The following TOP3B variants were observed in gnomAD, a reference collection of about 807,000 sequenced individuals.
TOP3B encodes the protein DNA topoisomerase III beta.
Under a neutral mutation model 93.9 loss-of-function variants are expected in TOP3B, and 45 were observed. The ratio of observed to expected loss-of-function variants is 0.48; its 90% confidence interval spans 0.38 to 0.61. The LOEUF (loss-of-function observed/expected upper bound fraction) is 0.61, where lower values mean the gene tolerates loss of function less well. TOP3B is among the 20% of genes least tolerant of loss of function. The pLI, the probability that TOP3B is intolerant of heterozygous loss-of-function variation, is 0.00. For missense variants in TOP3B, 750 were observed against 1,156.1 expected (o/e 0.65, Z 5.09); for synonymous variants, 357 against 472.6 (o/e 0.76, Z 3.17).
intron 17 of TOP3B, chr22:21,957,980 G>A (rs1326995410): frequency 7.3e-6 from 10 of 1,364,802 alleles, no homozygotes; most frequent in Admixed American, 2.2e-5. Flanking sequence ...TCACTCCCGG[G>A]GCAGCCTGGG....
Position 21,970,277 on chromosome 22 carries a change from G to C in TOP3B, c.514C>G (p.His172Asp). 1 of 1,614,018 alleles carries C rather than the reference G, an allele frequency of 6.2e-7. No homozygotes were observed. ...GCATCCACTGAGAGCGCCTCGTTGT[G>C]GTCAGGCTCGCCTAGGCAGGCCATG... ...NAMACLGEPD[H>D]NEALSVDARQ... The change falls in exon 6 of 18, where the codon CAC (histidine) becomes GAC (aspartate). Residue 172 changes from histidine (H) to aspartate (D), a missense_variant. Transcript: ENST00000357179. This position sits in a 1 kb window ranked among gnomAD's most constrained non-coding sequence, Gnocchi z 4.4.
intron 3 of TOP3B, chr22:21,972,937 C>G: frequency 1.8e-6 from 1 of 543,520 alleles, no homozygotes; most frequent in Non-Finnish European, 3.3e-6. Flanking sequence ...GGCTGCTGAG[C>G]GGACCCACCA....
chr22:21,958,472 G>A lies in TOP3B; in HGVS notation c.2107+20C>T, dbSNP rs899618375. 7 of 1,613,756 alleles carry A rather than the reference G, an allele frequency of 4.3e-6. No individual in the cohort carries two copies. In the Admixed American group the frequency reaches 1.0e-4, roughly 23 times the overall value. Reference sequence around the variant, plus strand: ...AGAGACTGCAGCTACCTGTGGACAGGAGGGAGTGGCTGCACTCACCTTTCT... The same window carrying A: ...AGAGACTGCAGCTACCTGTGGACAGAAGGGAGTGGCTGCACTCACCTTTCT... On this transcript the variant is annotated intron_variant, in intron 17 of 17. Transcript: ENST00000357179.
chr22:21,963,837 C>G lies in TOP3B; in HGVS notation c.1204+86G>C. ...CAGGCAGAGGCTGAAGGAGCCCCCA[C>G]ATTGCCAACAGGGCCTGCAACCTTC... On this transcript the variant is annotated intron_variant, in intron 11 of 17. Coordinates refer to ENST00000357179, the MANE Select transcript of TOP3B (RefSeq NM_001282112.2). This position sits in a 1 kb window ranked among gnomAD's most constrained non-coding sequence, Gnocchi z 4.8. The G allele has an allele frequency of 7.0e-7, 1 of 1,426,716 alleles. No individual in the cohort carries two copies. Among genetic ancestry groups the G allele is most frequent in the Admixed American group, 1.8e-5 (1 of 56,114 alleles). The allele number at this position is 1,426,716 out of a possible 1,614,324, so 88.4% of individuals were successfully genotyped here.
At chr22:21,979,658 C>T (rs2084574299) in intron 1 of TOP3B, among the ~76,000 whole-genome samples, 1 of 152,090 alleles carries the variant, frequency 6.6e-6, no homozygotes, top group African/African-American at 2.4e-5. Context: ...ATGGCATTCT[C>T]TGGCCGGGCG....
chr22:21,980,709 C>T (rs985343973), intron 1 of TOP3B, among the ~76,000 whole-genome samples: 3 of 152,222 alleles, frequency 2.0e-5, no homozygotes, highest in African/African-American at 4.8e-5. Flanking sequence ...GGCTCTGCTG[C>T]GCACCCACCT....
chr22:21,964,402 T>C (rs2071332928), intron 9 of TOP3B, 87 bp from the exon 10 acceptor site: 1 of 1,526,384 alleles, frequency 6.6e-7, no homozygotes, highest in Non-Finnish European at 8.9e-7. Context: ...GCTCCCCCAT[T>C]GTGGCCGGCC....
In TOP3B at chr22:21,960,363, T is replaced by A. The variant is rs765658019; in HGVS notation, c.1612A>T (p.Thr538Ser). ...TGCACCAGGACGATGCCGAGGTTGGTGGGCTTGAGCCGGCGCCCGCTCTCC... is the reference window on the plus strand; with the variant it reads ...TGCACCAGGACGATGCCGAGGTTGGAGGGCTTGAGCCGGCGCCCGCTCTCC... ...TVESGRRLKP[T>S]NLGIVLVHGY... is the part of the protein sequence containing the mutation. Residue 538 changes from threonine to serine, a missense_variant, in exon 14 of 18, where the codon ACC (threonine) becomes TCC (serine). By Grantham distance (58) the Thr-to-Ser change is moderately conservative. This residue lies in a region of TOP3B where 737 missense variants were observed against 933.7 expected (regional missense o/e 0.79). Transcript: ENST00000357179. 86 of 1,613,468 alleles carry A rather than the reference T, an allele frequency of 5.3e-5. No homozygotes were observed. Among genetic ancestry groups the A allele is most frequent in the Non-Finnish European group, 6.9e-5 (82 of 1,179,978 alleles).
At position 21,970,413 on chromosome 22, in the gene TOP3B, G is replaced by T. The variant is rs750826247; in HGVS notation, c.385-7C>A. The T allele has an allele frequency of 6.2e-7, 1 of 1,612,850 alleles. No homozygotes were observed. Among genetic ancestry groups the T allele is most frequent in the Non-Finnish European group, 8.5e-7 (1 of 1,179,582 alleles). ...GCAGAACAGCATCAAGAACCTGGGG[G>T]TGGGGAGTGGCCAGCTGTGACCCAC... On this transcript the variant is annotated splice_polypyrimidine_tract_variant and splice_region_variant and intron_variant, in intron 5 of 17. Transcript: ENST00000357179. This position sits in a 1 kb window ranked among gnomAD's most constrained non-coding sequence, Gnocchi z 4.4.
In TOP3B at chr22:21,964,170, C is replaced by G; in HGVS notation, c.1089G>C (p.Trp363Cys). 6.2e-7 allele frequency: 1 copy of G among 1,614,050 alleles called. No individual in the cohort carries two copies. The highest frequency in any genetic ancestry group is 8.5e-7 in the Non-Finnish European group (1 of 1,180,022). ...SLRQQANHPY[W>C]ADTVKRLLAE... ...GCCCGGCTCCACTCACCGTGTCGGCCCAGTAGGGGTGGTTGGCCTGCTGCC... is the reference window on the plus strand; with the variant it reads ...GCCCGGCTCCACTCACCGTGTCGGCGCAGTAGGGGTGGTTGGCCTGCTGCC... Residue 363 changes from tryptophan (W) to cysteine (C), a missense_variant, in exon 10 of 18, where the codon TGG (tryptophan) becomes TGC (cysteine). Trp to Cys is a radical substitution (Grantham distance 215, BLOSUM62 -2). This residue lies in a region of TOP3B where 737 missense variants were observed against 933.7 expected (regional missense o/e 0.79). Transcript: ENST00000357179.
intron 8 of TOP3B, chr22:21,966,347 G>A (rs776196262): frequency 1.3e-5 from 2 of 152,158 alleles, no homozygotes; most frequent in Admixed American, 6.6e-5. Flanking sequence ...GGAGTCAGAA[G>A]GGCTGCAGAT....
chr22:21,958,853 G>A lies in TOP3B; in HGVS notation c.1906-160C>T, dbSNP rs911332768. 2.8e-5 allele frequency: 35 copies of A among 1,244,698 alleles called. No individual in the cohort carries two copies. In the South Asian group the frequency reaches 5.4e-4, roughly 19 times the overall value. 77.1% of individuals were successfully genotyped at this position (1,244,698 alleles called of 1,614,324 possible). On this transcript the variant is annotated intron_variant, in intron 16 of 17. Transcript: ENST00000357179. ...AGTCTCTGGCTCTTGCTCCACGCGT[G>A]CAGAAAAGGCAGTTCTAAAATCTCT...
chr22:21,971,881 A>G lies in TOP3B; in HGVS notation c.380T>C (p.Phe127Ser), dbSNP rs745856217. The G allele has an allele frequency of 6.2e-7, 1 of 1,614,060 alleles. No homozygotes were observed. Among genetic ancestry groups the G allele is most frequent in the East Asian group, 2.2e-5 (1 of 44,868 alleles). Residue 127 changes from phenylalanine to serine, a missense_variant, in exon 5 of 18, where the codon TTT (phenylalanine) becomes TCT (serine). Phe to Ser is a radical substitution (Grantham distance 155, BLOSUM62 -2). This residue lies in a region of TOP3B where 737 missense variants were observed against 933.7 expected (regional missense o/e 0.79). Coordinates refer to ENST00000357179, the MANE Select transcript of TOP3B (RefSeq NM_001282112.2). This position sits in a 1 kb window ranked among gnomAD's most constrained non-coding sequence, Gnocchi z 4.6. ...CAAAGTGAGCCTCACACTCACCTCA[A>G]AGCAGATGTTCTCCCCCTCCTTGTC... ...DCDKEGENIC[F>S]EVLDAVLPVM...
chr22:21,958,194 C>A (rs1431004629), intron 17 of TOP3B: 110 of 1,294,284 alleles, frequency 8.5e-5, no homozygotes, highest in Non-Finnish European at 1.1e-4. Context: ...GGGTGGGTCC[C>A]CCGACTGCTG....
chr22:21,962,574 G>A lies in TOP3B; in HGVS notation c.1380C>T (p.Ser460=), dbSNP rs1352157957. 9.3e-6 allele frequency: 15 copies of A among 1,613,400 alleles called. No individual in the cohort carries two copies. Among genetic ancestry groups the A allele is most frequent in the East Asian group, 2.2e-5 (1 of 44,876 alleles). ...TGGGCAGGCTCTCCTCCAGGGGCACGCTCTGCCAGGGCATGACCTCCGTGA... is the reference window on the plus strand; with the variant it reads ...TGGGCAGGCTCTCCTCCAGGGGCACACTCTGCCAGGGCATGACCTCCGTGA... ...PGFTEVMPWQ[S]VPLEESLPTC... is the part of the protein sequence containing the mutation. The change falls in exon 13 of 18, where the codon AGC becomes AGT. Residue 460 remains serine, a synonymous_variant. Coordinates refer to ENST00000357179, the MANE Select transcript of TOP3B (RefSeq NM_001282112.2).
Position 21,959,435 on chromosome 22 carries a change from A to C in TOP3B, c.1804+152T>G, listed in dbSNP as rs2071070212. 2.0e-6 allele frequency: 3 copies of C among 1,499,478 alleles called. No homozygotes were observed. The African/African-American group carries it at 4.2e-5, about 21-fold the overall frequency. 92.9% of individuals were successfully genotyped at this position (1,499,478 alleles called of 1,614,324 possible). On this transcript the variant is annotated intron_variant, in intron 15 of 17. Transcript: ENST00000357179. ...TGGTGTTAATGCACCTGCTCTTTCAACCCAGCCAGGAGGTGTCACTGACCT... is the reference window on the plus strand; with the variant it reads ...TGGTGTTAATGCACCTGCTCTTTCACCCCAGCCAGGAGGTGTCACTGACCT...
rs1360709180 is a variant in TOP3B, at chr22:21,968,002, C to G, written c.739-286G>C. The stretch of plus-strand genomic sequence containing the variant: ...TGAGCCCCTACTTCTCACACCACCC[C>G]TGCCTATCCCCAGTGCCTGGCCAGT... On this transcript the variant is annotated intron_variant, in intron 7 of 17. Transcript: ENST00000357179. 1.7e-5 allele frequency: 7 copies of G among 403,734 alleles called. No homozygotes were observed. The East Asian group carries it at 3.7e-4, about 21-fold the overall frequency. The allele number at this position is 403,734 out of a possible 1,614,324, so 25.0% of individuals were successfully genotyped here. A position where few individuals can be genotyped will look rare whatever the true frequency, so the allele number is the denominator to read the frequency against.
intron 1 of TOP3B, among the ~76,000 whole-genome samples, chr22:21,979,967 A>T (rs1330106862): frequency 3.4e-5 from 5 of 148,512 alleles, no homozygotes; most frequent in Non-Finnish European, 6.0e-5. Context: ...AAAAAAAAGC[A>T]TGGCATTCTC....
At chr22:21,964,575 T>C (rs2071340877) in intron 9 of TOP3B, 2 of 533,786 alleles carry the variant, frequency 3.7e-6, no homozygotes, top group Middle Eastern at 5.0e-4. Flanking sequence ...CCACTCACTC[T>C]ACCCCACGGT....
Sources: allele counts gnomAD v4.1 joint callset (sites outside exome capture counted in the v4.1 genomes callset), GRCh38; gene constraint gnomAD v4.1.1; regional missense constraint gnomAD v4.1.1; non-coding constraint Gnocchi (gnomAD v3.1); transcripts MANE v1.5; gene names NCBI Gene and HGNC (gene_info 2026-07-23, HGNC 2026-07-21).